The following RAD51B variants were observed in gnomAD, a reference collection of about 807,000 sequenced individuals.
RAD51B encodes the protein RAD51 paralog B, also known as DNA repair protein RAD51 homolog 2.
RAD51B carries 38 observed loss-of-function variants against 42.2 expected under a neutral mutation model. The observed-to-expected ratio is 0.90, with a 90% confidence interval of 0.70 to 1.18. The LOEUF is 1.18. Ranked by LOEUF, RAD51B falls within the 50% of genes most tolerant of loss-of-function variation. The pLI is 0.00. For synonymous variants in RAD51B, 154 were observed against 145.2 expected (o/e 1.06, Z -0.43); for missense variants, 373 against 400.7 (o/e 0.93, Z 0.59).
Position 67,895,722 on chromosome 14 carries a change from T to C in RAD51B, c.756+8518T>C, listed in dbSNP as rs1449933839. ...GATTAAGTCTTAGTTTAGGATATGA[T>C]ATAATATTTAAAGTTCTCTTCCTTC... On this transcript the variant is annotated intron_variant, in intron 7 of 10. Transcript: ENST00000471583. Among the ~76,000 whole-genome samples the C allele has an allele frequency of 3.3e-5, 5 of 152,332 alleles. No individual in the cohort carries two copies. The East Asian group carries it at 9.6e-4, about 29-fold the overall frequency.
chr14:67,937,755 C>T (rs1320780069), intron 7 of RAD51B, among the ~76,000 whole-genome samples: 1 of 152,068 alleles, frequency 6.6e-6, no homozygotes, highest in Non-Finnish European at 1.5e-5. Context: ...CATTTGAAAT[C>T]CTTCTTCAGC....
chr14:68,244,336 G>A (rs1360121600), intron 7 of RAD51B, among the ~76,000 whole-genome samples: 1 of 152,258 alleles, frequency 6.6e-6, no homozygotes, highest in African/African-American at 2.4e-5. Context: ...TAAAGAATAC[G>A]CCCAAGAACT....
intron 8 of RAD51B, among the ~76,000 whole-genome samples, chr14:68,292,421 A>G (rs1245079043): frequency 2.0e-5 from 3 of 152,240 alleles, no homozygotes; most frequent in African/African-American, 7.2e-5. Flanking sequence ...AGATTAAGAA[A>G]AAAATCTCCA....
chr14:68,504,956 C>T (rs751127216), intron 10 of RAD51B, among the ~76,000 whole-genome samples: 8 of 152,150 alleles, frequency 5.3e-5, no homozygotes, highest in Non-Finnish European at 5.9e-5. Context: ...GGGTCCATAA[C>T]TCTTAGTGCC....
chr14:68,527,016 T>C (rs1886977768), intron 10 of RAD51B, among the ~76,000 whole-genome samples: 1 of 152,196 alleles, frequency 6.6e-6, no homozygotes, highest in East Asian at 1.9e-4. Context: ...CAAGACTCTT[T>C]GGTCTGTGAC....
downstream of RAD51B, among the ~76,000 whole-genome samples, chr14:68,597,803 TAA>T (rs11423187): frequency 7.0e-6 from 1 of 143,500 alleles, no homozygotes. Flanking sequence ...AAATACAAGT[TAA>T]AAAAAAAAAA....
chr14:68,674,046 A>G (rs192235145), intron 11 of RAD51B, among the ~76,000 whole-genome samples: 3 of 152,278 alleles, frequency 2.0e-5, no homozygotes, highest in African/African-American at 7.2e-5. Context: ...ACACATATAT[A>G]CATCCACACA....
At chr14:68,262,232 G>A (rs1214475729) in intron 7 of RAD51B, among the ~76,000 whole-genome samples, 1 of 152,158 alleles carries the variant, frequency 6.6e-6, no homozygotes, top group Non-Finnish European at 1.5e-5. Context: ...TGAGGATTTA[G>A]CATCCAAGGT....
intron 10 of RAD51B, among the ~76,000 whole-genome samples, chr14:68,638,364 C>T (rs1892383318): frequency 6.6e-6 from 1 of 152,150 alleles, no homozygotes; most frequent in African/African-American, 2.4e-5. Context: ...TATAACTGAG[C>T]AGCCAGCTTC....
chr14:68,020,683 G>A (rs2075849490), intron 7 of RAD51B, among the ~76,000 whole-genome samples: 1 of 152,014 alleles, frequency 6.6e-6, no homozygotes, highest in Admixed American at 6.6e-5. Flanking sequence ...GGATGTTGTT[G>A]GTTGCGCAAG....
At chr14:68,603,786 G>A (rs546497603) in intron 10 of RAD51B, among the ~76,000 whole-genome samples, 6 of 152,222 alleles carry the variant, frequency 3.9e-5, no homozygotes, top group African/African-American at 1.2e-4. Context: ...GCCGCGTCTC[G>A]CCTTGGGCCG....
chr14:67,933,043 A>G (rs2044799778), intron 7 of RAD51B, among the ~76,000 whole-genome samples: 1 of 152,220 alleles, frequency 6.6e-6, no homozygotes, highest in Non-Finnish European at 1.5e-5. Context: ...AGCTCCAGAC[A>G]GCTATTATGC....
chr14:67,853,815 C>T (rs2041898454), intron 4 of RAD51B, among the ~76,000 whole-genome samples: 2 of 152,150 alleles, frequency 1.3e-5, no homozygotes, highest in Admixed American at 6.5e-5. Flanking sequence ...TCAGTTTTGA[C>T]TTACGTGAAT....
At chr14:68,422,547 G>A (rs1271093004) in intron 9 of RAD51B, among the ~76,000 whole-genome samples, 5 of 121,868 alleles carry the variant, frequency 4.1e-5, no homozygotes, top group South Asian at 2.9e-4. Flanking sequence ...GTGACATGGC[G>A]AGTCTCCATC....
chr14:68,528,090 T>A (rs1753795403), intron 10 of RAD51B, among the ~76,000 whole-genome samples: 1 of 152,204 alleles, frequency 6.6e-6, no homozygotes, highest in African/African-American at 2.4e-5. Flanking sequence ...AACCTGTTGC[T>A]AAAGCCATGA....
intron 7 of RAD51B, among the ~76,000 whole-genome samples, chr14:68,276,105 G>C (rs2139605098): frequency 6.6e-6 from 1 of 152,302 alleles, no homozygotes; most frequent in East Asian, 1.9e-4. Flanking sequence ...AAATACCTGT[G>C]CTGTTATTAT....
At chr14:68,547,032 A>C (rs913291174) in intron 10 of RAD51B, among the ~76,000 whole-genome samples, 5 of 152,194 alleles carry the variant, frequency 3.3e-5, no homozygotes, top group African/African-American at 1.2e-4. Context: ...TCAGCTTGGA[A>C]ACATTTTTTT....
chr14:67,832,056 C>T (rs1036557944), intron 3 of RAD51B, among the ~76,000 whole-genome samples: 3 of 151,944 alleles, frequency 2.0e-5, no homozygotes, highest in Non-Finnish European at 4.4e-5. Context: ...AAATTGGAAA[C>T]AATAATAATA....
chr14:68,600,328 A>G (rs1422267740), downstream of RAD51B, among the ~76,000 whole-genome samples: 1 of 152,206 alleles, frequency 6.6e-6, no homozygotes, highest in East Asian at 1.9e-4. Flanking sequence ...CTGGAGATTT[A>G]GGGCCTAATT....
Sources: allele counts gnomAD v4.1 joint callset (sites outside exome capture counted in the v4.1 genomes callset), GRCh38; gene constraint gnomAD v4.1.1; transcripts MANE v1.5; gene names NCBI Gene and HGNC (gene_info 2026-07-23, HGNC 2026-07-21).